The following REPS1 variants were observed in gnomAD, a reference collection of about 807,000 sequenced individuals.
REPS1 encodes RALBP1 associated Eps domain containing 1, also known as ralBP1-associated Eps domain-containing protein 1.
In REPS1, 39 loss-of-function variants were observed where a neutral mutation model predicts 100.9. The ratio of observed to expected loss-of-function variants is 0.39; its 90% CI spans 0.30 to 0.50. REPS1 has a LOEUF of 0.50. REPS1 is among the 20% of genes least tolerant of loss of function. REPS1 has a pLI of 0.86. For synonymous variants in REPS1, 324 were observed against 340.3 expected (o/e 0.95, Z 0.53); for missense variants, 821 against 968.5 (o/e 0.85, Z 2.02).
chr6:138,965,421 G>A (rs1165732876), intron 1 of REPS1, among the ~76,000 whole-genome samples: 4 of 151,462 alleles, frequency 2.6e-5, no homozygotes, highest in Admixed American at 1.3e-4. Flanking sequence ...CCACAAATAC[G>A]CAAAAGTAGT....
At chr6:138,953,827 C>T (rs1157175585) in intron 1 of REPS1, among the ~76,000 whole-genome samples, 2 of 152,096 alleles carry the variant, frequency 1.3e-5, no homozygotes, top group African/African-American at 4.8e-5. Flanking sequence ...TATGATCCAG[C>T]AATCCTACTA....
chr6:138,955,458 G>T (rs868806709), intron 1 of REPS1, among the ~76,000 whole-genome samples: 1 of 19,410 alleles, frequency 5.2e-5, no homozygotes, highest in Non-Finnish European at 7.8e-5. Flanking sequence ...AAAAAAAAAA[G>T]TGTGTGTGTG....
chr6:138,967,110 G>A (rs1784068926), intron 1 of REPS1, among the ~76,000 whole-genome samples: 1 of 152,238 alleles, frequency 6.6e-6, no homozygotes, highest in Non-Finnish European at 1.5e-5. Context: ...GCCCGCTCCT[G>A]CGCATGCAAT....
chr6:138,960,302 G>A (rs1783655244), intron 1 of REPS1, among the ~76,000 whole-genome samples: 1 of 151,980 alleles, frequency 6.6e-6, no homozygotes, highest in South Asian at 2.1e-4. Context: ...TTTGGTCTTA[G>A]GATCCCTTAT....
intron 15 of REPS1, among the ~76,000 whole-genome samples, chr6:138,913,735 A>C (rs1345416708): frequency 1.3e-5 from 2 of 152,198 alleles, no homozygotes; most frequent in African/African-American, 4.8e-5. Flanking sequence ...ATCACTCCAC[A>C]CATCTACTCC....
intron 19 of REPS1, among the ~76,000 whole-genome samples, chr6:138,905,335 A>G (rs1393892700): frequency 6.6e-6 from 1 of 152,214 alleles, no homozygotes; most frequent in Non-Finnish European, 1.5e-5. Context: ...CCCAGGCCGG[A>G]CTGCGGACTG....
chr6:138,911,218 A>G, intron 17 of REPS1, 58 bp downstream of exon 17: 1 of 1,169,234 alleles, frequency 8.6e-7, no homozygotes, highest in Non-Finnish European at 1.3e-6. Context: ...ATTTCTAAAA[A>G]TTATTTCACA....
intron 8 of REPS1, among the ~76,000 whole-genome samples, chr6:138,931,661 T>C (rs1411298566): frequency 6.6e-6 from 1 of 152,146 alleles, no homozygotes; most frequent in African/African-American, 2.4e-5. Context: ...AGACTTCACA[T>C]ATTATTCTAT....
intron 1 of REPS1, among the ~76,000 whole-genome samples, chr6:138,976,946 A>T (rs926959871): frequency 6.6e-6 from 1 of 152,240 alleles, no homozygotes; most frequent in African/African-American, 2.4e-5. Flanking sequence ...AAAATGCCAG[A>T]TTACATTATG....
Position 138,943,885 on chromosome 6 carries a change from G to A in REPS1, c.884C>T (p.Thr295Ile), listed in dbSNP as rs1220264475. Residue 295 changes from threonine to isoleucine, a missense_variant, in exon 6 of 20, where the codon ACC becomes ATC. Around this residue, in one of 3 missense-constraint regions of REPS1, gnomAD observed 757 missense variants for 866.4 expected, o/e 0.87. Coordinates refer to ENST00000450536, the MANE Select transcript of REPS1 (RefSeq NM_001286611.2). ...QRQYYVNQFK[T>I]IQPDLNGFIP... is the part of the protein sequence containing the mutation. ...AAATCCGTTTAGATCAGGCTGAATG[G>A]TTTTAAACTGATTTACATAATACTG... The A allele has an allele frequency of 6.2e-7, 1 of 1,613,596 alleles. No individual in the cohort carries two copies.
At chr6:138,905,301 T>C (rs1779559684) in intron 19 of REPS1, among the ~76,000 whole-genome samples, 169 bp from the exon 20 acceptor site, 1 of 152,268 alleles carries the variant, frequency 6.6e-6, no homozygotes, top group African/African-American at 2.4e-5. Flanking sequence ...TTTCTTTTTT[T>C]TGAGACGGAG....
At chr6:138,955,726 T>C (rs1783344209) in intron 1 of REPS1, among the ~76,000 whole-genome samples, 1 of 152,106 alleles carries the variant, frequency 6.6e-6, no homozygotes, top group African/African-American at 2.4e-5. Flanking sequence ...AACTAGACTG[T>C]AGTTCACTTA....
At chr6:138,936,979 C>A (rs549059407) in intron 8 of REPS1, among the ~76,000 whole-genome samples, 37 of 152,238 alleles carry the variant, frequency 2.4e-4, no homozygotes, top group African/African-American at 8.7e-4. Flanking sequence ...GGGCAATTTA[C>A]AAAAGAAAGA....
At chr6:138,907,241 TG>T (rs1779710093) in intron 19 of REPS1, 2 of 288,024 alleles carry the variant, frequency 6.9e-6, no homozygotes, top group Non-Finnish European at 1.3e-5. Flanking sequence ...GAGGCTGAAG[TG>T]GGAGGATAGC....
intron 10 of REPS1, among the ~76,000 whole-genome samples, chr6:138,924,901 G>C (rs746390202): frequency 1.3e-5 from 2 of 152,182 alleles, no homozygotes; most frequent in South Asian, 2.1e-4. Context: ...AGCAAGAAAT[G>C]AGGAGCAAAA....
Position 138,941,594 on chromosome 6 carries a change from C to T in REPS1, c.981-105G>A, listed in dbSNP as rs189785677. 4.6e-6 allele frequency: 5 copies of T among 1,075,334 alleles called. No individual in the cohort carries two copies. The East Asian group carries it at 1.2e-4, about 26-fold the overall frequency. 66.6% of individuals were successfully genotyped at this position (1,075,334 alleles called of 1,614,324 possible). A position where few individuals can be genotyped will look rare whatever the true frequency, so the allele number is the denominator to read the frequency against. On this transcript the variant is annotated intron_variant, in intron 7 of 19. Coordinates refer to ENST00000450536, the MANE Select transcript of REPS1 (RefSeq NM_001286611.2). ...TTTTCCATGAGAAAGTGCAAGAACT[C>T]AGTAATTATAAAAATCCCATACACA...
rs1221958188 is a variant in REPS1, at chr6:138,912,834, T to G, written c.1902A>C (p.Glu634Asp). The G allele has an allele frequency of 1.9e-6, 3 of 1,614,174 alleles. No homozygotes were observed. The highest frequency in any genetic ancestry group is 2.2e-5 in the South Asian group (2 of 91,082). Residue 634 changes from glutamate to aspartate, a missense_variant, in exon 16 of 20, where the codon GAA becomes GAC. Coordinates refer to ENST00000450536, the MANE Select transcript of REPS1 (RefSeq NM_001286611.2). Reference protein sequence around the residue: ...QPNFADFSQFEVFAASNVNDE... With the variant: ...QPNFADFSQFDVFAASNVNDE... ...CGTTTACATTTGATGCAGCAAATAC[T>G]TCAAACTGACTGAAATCTGCAAAAT...
At position 138,936,191 on chromosome 6, in the gene REPS1, A is replaced by C. The variant is rs137859838; in HGVS notation, c.1135+5144T>G. Reference sequence around the variant, plus strand: ...ACACTTACTAATCCGCTGAATTTGAAATCATAATCTTTTTTTTTAGAGACA... The same window carrying C: ...ACACTTACTAATCCGCTGAATTTGACATCATAATCTTTTTTTTTAGAGACA... On this transcript the variant is annotated intron_variant, in intron 8 of 19. Transcript: ENST00000450536. Among the ~76,000 whole-genome samples, 761 of 152,172 alleles carry C rather than the reference A, an allele frequency of 5.0e-3. 1 individual carries two copies. The highest frequency in any genetic ancestry group is 8.6e-3 in the Admixed American group (131 of 15,284).
intron 14 of REPS1, 57 bp from the exon 15 acceptor site, chr6:138,914,818 A>C: frequency 7.2e-7 from 1 of 1,385,658 alleles, no homozygotes; most frequent in Non-Finnish European, 1.0e-6. Context: ...TTGTTAATAG[A>C]AGAAATAGGC....
Sources: allele counts gnomAD v4.1 joint callset (sites outside exome capture counted in the v4.1 genomes callset), GRCh38; gene constraint gnomAD v4.1.1; regional missense constraint gnomAD v4.1.1; transcripts MANE v1.5; gene names NCBI Gene and HGNC (gene_info 2026-07-23, HGNC 2026-07-21).